Variants in PCSK2 observed in about 807,000 individuals in gnomAD.
PCSK2 encodes the protein proprotein convertase subtilisin/kexin type 2.
A neutral mutation model predicts 69.7 loss-of-function variants in PCSK2; 14 were observed. The ratio of observed to expected loss-of-function variants is 0.20; its 90% CI spans 0.13 to 0.31. The LOEUF (loss-of-function observed/expected upper bound fraction) is 0.31. Among genes scored for constraint, PCSK2 ranks in the 10% least tolerant of loss-of-function variants. PCSK2 has a pLI of 1.00. For missense variants in PCSK2, 544 were observed against 842.5 expected (o/e 0.65, Z 4.39); for synonymous variants, 307 against 320.7 (o/e 0.96, Z 0.46).
chr20:17,320,326 C>T (rs951938772), intron 2 of PCSK2, among the ~76,000 whole-genome samples: 2 of 152,208 alleles, frequency 1.3e-5, no homozygotes, highest in Non-Finnish European at 2.9e-5. Context: ...CTTAGGGAGA[C>T]TCGTTCCCTT....
chr20:17,372,190 T>A (rs1033520145), intron 5 of PCSK2, among the ~76,000 whole-genome samples: 2 of 151,918 alleles, frequency 1.3e-5, no homozygotes, highest in African/African-American at 4.8e-5. Flanking sequence ...CCATACTGGC[T>A]AACACGGTGA....
intron 4 of PCSK2, among the ~76,000 whole-genome samples, chr20:17,368,051 A>G (rs2030649764): frequency 6.6e-6 from 1 of 152,154 alleles, no homozygotes; most frequent in Non-Finnish European, 1.5e-5. Context: ...CTCTCAGTCC[A>G]GTTACTCATT....
At chr20:17,378,590 CGGAT>C (rs57945532) in intron 5 of PCSK2, among the ~76,000 whole-genome samples, 17,445 of 136,158 alleles carry the variant, frequency 0.13, 1,372 homozygotes, top group African/African-American at 0.24. Context: ...GATGGATGGA[CGGAT>C]GGATGGATGG....
intron 2 of PCSK2, among the ~76,000 whole-genome samples, chr20:17,357,692 C>A (rs985238667): frequency 1.3e-5 from 2 of 152,092 alleles, no homozygotes; most frequent in Non-Finnish European, 2.9e-5. Context: ...ATTGGGAGTT[C>A]AAGACCAGAC....
intron 1 of PCSK2, among the ~76,000 whole-genome samples, chr20:17,235,810 G>T (rs1383742293): frequency 6.6e-6 from 1 of 152,056 alleles, no homozygotes; most frequent in Admixed American, 6.6e-5. Flanking sequence ...AAACAAAAAA[G>T]TGAATCCTTC....
intron 5 of PCSK2, among the ~76,000 whole-genome samples, chr20:17,380,072 C>T (rs556821254): frequency 6.6e-6 from 1 of 152,322 alleles, no homozygotes; most frequent in Non-Finnish European, 1.5e-5. Context: ...TGAGACAGCT[C>T]CAGTGACACC....
At chr20:17,308,488 G>T (rs529924612) in intron 2 of PCSK2, among the ~76,000 whole-genome samples, 15 of 152,286 alleles carry the variant, frequency 9.8e-5, no homozygotes, top group African/African-American at 3.4e-4. Context: ...GAAGTGCAAA[G>T]GTCCCGAGGA....
chr20:17,330,108 A>T (rs1218146421), intron 2 of PCSK2, among the ~76,000 whole-genome samples: 4 of 152,226 alleles, frequency 2.6e-5, no homozygotes, highest in Admixed American at 6.5e-5. Context: ...AATTATAATG[A>T]GATATTTTAC....
At chr20:17,337,643 G>A (rs1317791901) in intron 2 of PCSK2, among the ~76,000 whole-genome samples, 1 of 152,076 alleles carries the variant, frequency 6.6e-6, no homozygotes, top group Non-Finnish European at 1.5e-5. Flanking sequence ...AAAGCATTGG[G>A]AGAGGTGTGC....
intron 2 of PCSK2, among the ~76,000 whole-genome samples, chr20:17,328,974 A>G (rs1418269496): frequency 6.6e-6 from 1 of 152,218 alleles, no homozygotes; most frequent in Non-Finnish European, 1.5e-5. Context: ...GCCTGGCTTG[A>G]TGAATTAGAG....
At chr20:17,469,575 C>CA (rs1186345086) in intron 11 of PCSK2, among the ~76,000 whole-genome samples, 1 of 152,086 alleles carries the variant, frequency 6.6e-6, no homozygotes, top group African/African-American at 2.4e-5. Context: ...CTCAGAGTCA[C>CA]AAAGGGCAGA....
intron 2 of PCSK2, among the ~76,000 whole-genome samples, chr20:17,325,560 C>T (rs1194135101): frequency 6.6e-6 from 1 of 152,228 alleles, no homozygotes; most frequent in Non-Finnish European, 1.5e-5. Context: ...GGTCATATCT[C>T]AATTAACTAT....
At chr20:17,234,197 C>A (rs1592017) in intron 1 of PCSK2, among the ~76,000 whole-genome samples, 1 of 152,062 alleles carries the variant, frequency 6.6e-6, no homozygotes, top group Non-Finnish European at 1.5e-5. Context: ...TTCCAAAGTT[C>A]TGTGAGAGCA....
At chr20:17,421,438 G>A (rs1164533941) in intron 6 of PCSK2, among the ~76,000 whole-genome samples, 1 of 152,102 alleles carries the variant, frequency 6.6e-6, no homozygotes, top group East Asian at 1.9e-4. Flanking sequence ...AGAGCTCATT[G>A]GACATTAGCC....
chr20:17,279,787 CAAA>C (rs1180147919), intron 2 of PCSK2, among the ~76,000 whole-genome samples: 6 of 68,080 alleles, frequency 8.8e-5, no homozygotes, highest in Non-Finnish European at 6.5e-5. Flanking sequence ...AACTCCGTCT[CAAA>C]AAAAAAAAAA....
chr20:17,383,799 A>C (rs1242931714), intron 5 of PCSK2, among the ~76,000 whole-genome samples: 1 of 152,230 alleles, frequency 6.6e-6, no homozygotes, highest in Non-Finnish European at 1.5e-5. Context: ...TTACAGTGTC[A>C]CCATTATTAA....
chr20:17,356,799 C>T (rs1399774091), intron 2 of PCSK2, among the ~76,000 whole-genome samples: 2 of 152,118 alleles, frequency 1.3e-5, no homozygotes, highest in East Asian at 3.9e-4. Context: ...GTGAGGGAAC[C>T]TCCAGGATAA....
intron 2 of PCSK2, among the ~76,000 whole-genome samples, chr20:17,289,718 T>C (rs1988633421): frequency 6.6e-6 from 1 of 152,192 alleles, no homozygotes; most frequent in African/African-American, 2.4e-5. Context: ...TTTTTTATTT[T>C]ACAAAGCTGA....
intron 2 of PCSK2, among the ~76,000 whole-genome samples, chr20:17,274,816 A>G (rs1225913023): frequency 2.0e-5 from 3 of 152,086 alleles, no homozygotes; most frequent in East Asian, 1.9e-4. Context: ...TAACAAGAAG[A>G]CAAACGAATT....
Sources: gnomAD v4.1 joint callset for allele counts (sites outside exome capture counted in the v4.1 genomes callset) on GRCh38, gnomAD v4.1.1 for gene constraint, MANE v1.5 for transcripts, NCBI Gene and HGNC (gene_info 2026-07-23, HGNC 2026-07-21) for gene names.